Variants in TDRD7 observed in about 807,000 individuals in gnomAD.
TDRD7 encodes tudor domain containing 7, also known as tudor domain-containing protein 7.
Under a neutral mutation model 109.8 loss-of-function variants are expected in TDRD7, and 47 were observed. The ratio of observed to expected loss-of-function variants is 0.43; its 90% CI spans 0.34 to 0.55. TDRD7 has a LOEUF of 0.55. Among genes scored for constraint, TDRD7 ranks in the 20% least tolerant of loss-of-function variants. TDRD7 has a pLI of 0.03. For missense variants in TDRD7, 1,164 were observed against 1,319.2 expected, an observed-to-expected ratio of 0.88 and a Z score of 1.82; for synonymous variants, 424 against 457.3, an observed-to-expected ratio of 0.93 and a Z score of 0.93.
chr9:97,443,658 C>T (rs916339280), intron 6 of TDRD7, among the ~76,000 whole-genome samples: 1 of 152,212 alleles, frequency 6.6e-6, no homozygotes, highest in Non-Finnish European at 1.5e-5. Context: ...CCTGTGGCCC[C>T]TTCTTGAAAT....
intron 16 of TDRD7, among the ~76,000 whole-genome samples, chr9:97,492,891 A>C (rs1193061197): frequency 6.6e-6 from 1 of 152,264 alleles, no homozygotes; most frequent in Non-Finnish European, 1.5e-5. Context: ...TTGGGCCAAC[A>C]TAGGCATCCA....
At chr9:97,427,793 C>G (rs926635613) in intron 1 of TDRD7, among the ~76,000 whole-genome samples, 1 of 152,170 alleles carries the variant, frequency 6.6e-6, no homozygotes, top group African/African-American at 2.4e-5. Flanking sequence ...GTATTGTGGT[C>G]CTCCACATTT....
intron 8 of TDRD7, among the ~76,000 whole-genome samples, chr9:97,469,254 A>G (rs1270597645): frequency 6.6e-6 from 1 of 152,200 alleles, no homozygotes; most frequent in Non-Finnish European, 1.5e-5. Context: ...GCAGGTGCTA[A>G]TTTAGGATTG....
chr9:97,414,291 CAT>C (rs765924714), intron 1 of TDRD7, among the ~76,000 whole-genome samples: 2 of 152,206 alleles, frequency 1.3e-5, no homozygotes, highest in Non-Finnish European at 2.9e-5. Context: ...TAGTTGAAGA[CAT>C]GTATATATGC....
At chr9:97,454,460 G>A (rs1311085592) in intron 6 of TDRD7, among the ~76,000 whole-genome samples, 1 of 152,158 alleles carries the variant, frequency 6.6e-6, no homozygotes, top group Non-Finnish European at 1.5e-5. Flanking sequence ...CAGCCTGGGG[G>A]ACAGAGCAAG....
chr9:97,449,659 G>A (rs1276122410), intron 6 of TDRD7, among the ~76,000 whole-genome samples: 1 of 152,136 alleles, frequency 6.6e-6, no homozygotes, highest in Non-Finnish European at 1.5e-5. Context: ...TCATTACGCA[G>A]GCATGTTGAT....
chr9:97,484,883 G>A (rs1245784814), intron 15 of TDRD7, among the ~76,000 whole-genome samples: 1 of 152,144 alleles, frequency 6.6e-6, no homozygotes, highest in East Asian at 1.9e-4. Context: ...AAGGGGTTGG[G>A]TAGGAAGGAG....
At chr9:97,474,817 A>ACC (rs1828987128) in intron 11 of TDRD7, among the ~76,000 whole-genome samples, 2 of 152,228 alleles carry the variant, frequency 1.3e-5, no homozygotes, top group Non-Finnish European at 2.9e-5. Context: ...CTGAACAGAA[A>ACC]GAGACCATGG....
intron 6 of TDRD7, among the ~76,000 whole-genome samples, chr9:97,447,109 G>A (rs973544382): frequency 2.6e-5 from 4 of 152,136 alleles, no homozygotes; most frequent in African/African-American, 9.7e-5. Flanking sequence ...GTGAACGTCT[G>A]AGTAGAAAAA....
intron 5 of TDRD7, among the ~76,000 whole-genome samples, chr9:97,440,630 C>T (rs551351192): frequency 2.6e-5 from 4 of 152,254 alleles, no homozygotes; most frequent in African/African-American, 9.6e-5. Context: ...GCAGAGTCAG[C>T]GTCCAAGTGT....
At chr9:97,469,095 A>T (rs972125870) in intron 8 of TDRD7, among the ~76,000 whole-genome samples, 2 of 152,198 alleles carry the variant, frequency 1.3e-5, no homozygotes, top group Non-Finnish European at 2.9e-5. Context: ...TGAATTTCCC[A>T]GGAGTCATGA....
At chr9:97,478,928 T>G (rs571675030) in intron 13 of TDRD7, among the ~76,000 whole-genome samples, 2 of 152,178 alleles carry the variant, frequency 1.3e-5, no homozygotes, top group African/African-American at 2.4e-5. Context: ...TTTATTTAGG[T>G]AACCATTTTC....
At chr9:97,422,883 T>C (rs1449678525) in intron 1 of TDRD7, among the ~76,000 whole-genome samples, 2 of 152,252 alleles carry the variant, frequency 1.3e-5, no homozygotes, top group Admixed American at 1.3e-4. Context: ...GAATAAACTT[T>C]AACTGGTTAT....
At chr9:97,434,829 G>T (rs1424394897) in intron 4 of TDRD7, among the ~76,000 whole-genome samples, 4 of 152,082 alleles carry the variant, frequency 2.6e-5, no homozygotes, top group Non-Finnish European at 5.9e-5. Flanking sequence ...TGTCTCCACA[G>T]TAAAAAGGAG....
chr9:97,455,705 A>G (rs575586399), intron 6 of TDRD7, among the ~76,000 whole-genome samples: 7 of 152,298 alleles, frequency 4.6e-5, no homozygotes, highest in African/African-American at 1.7e-4. Flanking sequence ...ATGACAAATC[A>G]CAGCCAATAT....
chr9:97,466,394 G>T (rs908441853), intron 8 of TDRD7, among the ~76,000 whole-genome samples: 2 of 152,086 alleles, frequency 1.3e-5, no homozygotes, highest in Non-Finnish European at 2.9e-5. Flanking sequence ...TAAGTAATTT[G>T]ACTGACTTTA....
At chr9:97,466,278 C>T (rs554287746) in intron 8 of TDRD7, among the ~76,000 whole-genome samples, 5 of 152,260 alleles carry the variant, frequency 3.3e-5, no homozygotes, top group Non-Finnish European at 1.5e-5. Flanking sequence ...ATAGGAGAGG[C>T]CCTGACCCTC....
chr9:97,448,170 A>G (rs1828432899), intron 6 of TDRD7, among the ~76,000 whole-genome samples: 1 of 152,210 alleles, frequency 6.6e-6, no homozygotes, highest in African/African-American at 2.4e-5. Context: ...ACTTTCTCAA[A>G]GAGAATTGAC....
chr9:97,470,013 G>A (rs919202522), intron 8 of TDRD7, among the ~76,000 whole-genome samples: 1 of 152,112 alleles, frequency 6.6e-6, no homozygotes, highest in African/African-American at 2.4e-5. Context: ...TGATACCATT[G>A]TTGTCATTGA....
Sources: gnomAD v4.1 joint callset for allele counts (sites outside exome capture counted in the v4.1 genomes callset) on GRCh38, gnomAD v4.1.1 for gene constraint, MANE v1.5 for transcripts, NCBI Gene and HGNC (gene_info 2026-07-23, HGNC 2026-07-21) for gene names.